Variants in KIAA1549 observed in about 807,000 individuals in gnomAD.
KIAA1549 encodes UPF0606 protein KIAA1549.
Under a neutral mutation model 156.4 loss-of-function variants are expected in KIAA1549, and 70 were observed. The observed-to-expected ratio is 0.45, with a 90% CI of 0.37 to 0.55. KIAA1549 has a LOEUF of 0.55. Ranked by LOEUF, KIAA1549 falls within the 20% of genes least tolerant of loss-of-function variation. The pLI is 0.00. For synonymous variants in KIAA1549, 1,103 were observed against 1,066.4 expected (o/e 1.03, Z -0.67); for missense variants, 2,428 against 2,540.9 (o/e 0.96, Z 0.96).
rs577418835 is a variant in KIAA1549, at chr7:138,918,769, C to A, written c.857G>T (p.Arg286Leu). The A allele has an allele frequency of 3.1e-6, 5 of 1,613,624 alleles. No individual in the cohort carries two copies. The highest frequency in any genetic ancestry group is 4.2e-6 in the Non-Finnish European group (5 of 1,179,836). The change falls in exon 2 of 20, where the codon CGG (arginine) becomes CTG (leucine). Residue 286 changes from arginine to leucine, a missense_variant. By Grantham distance (102) the Arg-to-Leu change is moderately radical. Coordinates refer to ENST00000422774, the MANE Select transcript of KIAA1549 (RefSeq NM_001164665.2). This position sits in a 1 kb window ranked among gnomAD's most constrained non-coding sequence, Gnocchi z 4.2. ...GVETTLFLSS[R>L]SLMPQPLGDG... ...GCCTAACGGCTGTGGCATTAAAGACCGGGAGCTTAAAAAAAGGGTGGTTTC... is the reference window on the plus strand; with the variant it reads ...GCCTAACGGCTGTGGCATTAAAGACAGGGAGCTTAAAAAAAGGGTGGTTTC...
intron 1 of KIAA1549, among the ~76,000 whole-genome samples, chr7:138,960,697 C>G (rs1813818544): frequency 6.6e-6 from 1 of 152,116 alleles, no homozygotes; most frequent in South Asian, 2.1e-4. Context: ...GGCTGGAGCC[C>G]AGGCTGCCAC....
At chr7:138,891,427 G>T (rs998665355) in intron 10 of KIAA1549, among the ~76,000 whole-genome samples, 1 of 152,208 alleles carries the variant, frequency 6.6e-6, no homozygotes, top group Admixed American at 6.5e-5. Flanking sequence ...ATCCGGGCTG[G>T]AGTTTTTTAG....
intron 16 of KIAA1549, among the ~76,000 whole-genome samples, chr7:138,856,663 G>A (rs930332113): frequency 6.6e-6 from 1 of 152,084 alleles, no homozygotes; most frequent in Non-Finnish European, 1.5e-5. Flanking sequence ...ATAACCATCG[G>A]CTTCTTGCTT....
intron 9 of KIAA1549, among the ~76,000 whole-genome samples, chr7:138,896,305 G>A (rs1390791055): frequency 6.6e-6 from 1 of 152,160 alleles, no homozygotes; most frequent in Non-Finnish European, 1.5e-5. Flanking sequence ...AGGGTTCTTG[G>A]TGCTGGTTTA....
At chr7:138,886,022 C>T (rs1417451406) in intron 10 of KIAA1549, among the ~76,000 whole-genome samples, 1 of 152,032 alleles carries the variant, frequency 6.6e-6, no homozygotes, top group Non-Finnish European at 1.5e-5. Context: ...GGAAAGCCCC[C>T]CCCCAAATTC....
chr7:138,838,307 GGTGA>G, intron 19 of KIAA1549, 147 bp from the exon 20 acceptor site: 2 of 818,332 alleles, frequency 2.4e-6, no homozygotes, highest in South Asian at 2.0e-5. Context: ...CTATGCTGCA[GGTGA>G]GGCGTGAAGA....
chr7:138,888,527 T>A (rs1811461831), intron 10 of KIAA1549, among the ~76,000 whole-genome samples: 1 of 152,252 alleles, frequency 6.6e-6, no homozygotes, highest in African/African-American at 2.4e-5. Context: ...ACGTTTGGAT[T>A]CTACCATAAT....
chr7:138,945,755 T>G (rs1584775967), intron 1 of KIAA1549, among the ~76,000 whole-genome samples: 1 of 152,190 alleles, frequency 6.6e-6, no homozygotes, highest in South Asian at 2.1e-4. Flanking sequence ...TAAAAGTAGA[T>G]TATAAAAGAT....
chr7:138,896,235 A>G (rs1811680971), intron 9 of KIAA1549, among the ~76,000 whole-genome samples: 1 of 152,198 alleles, frequency 6.6e-6, no homozygotes, highest in Non-Finnish European at 1.5e-5. Context: ...TTCATACCCT[A>G]TGATGGTTAA....
At chr7:138,944,299 T>C (rs1324369000) in intron 1 of KIAA1549, among the ~76,000 whole-genome samples, 1 of 152,016 alleles carries the variant, frequency 6.6e-6, no homozygotes, top group African/African-American at 2.4e-5. Flanking sequence ...AAGAAGTACA[T>C]CGAAGGATGC....
At chr7:138,904,730 C>T (rs1289098796) in intron 7 of KIAA1549, among the ~76,000 whole-genome samples, 1 of 151,316 alleles carries the variant, frequency 6.6e-6, no homozygotes, top group African/African-American at 2.4e-5. Context: ...AGAGAGAGAT[C>T]CTTGCTTCTA....
At position 138,899,010 on chromosome 7, in the gene KIAA1549, G is replaced by A. The variant is rs1563068427; in HGVS notation, c.3792C>T (p.Asp1264=). 1 of 1,613,828 alleles carries A rather than the reference G, an allele frequency of 6.2e-7. No homozygotes were observed. The highest frequency in any genetic ancestry group is 8.5e-7 in the Non-Finnish European group (1 of 1,179,774). Residue 1264 remains aspartate, a synonymous_variant, in exon 9 of 20, where the codon GAC becomes GAT. Coordinates refer to ENST00000422774, the MANE Select transcript of KIAA1549 (RefSeq NM_001164665.2). The stretch of plus-strand genomic sequence containing the variant: ...CCAAGATGATGGCTGCTCTCTGGAG[G>A]TCCATTTTGTTAATCAGGTCCGAAG... ...VKSSDLINKM[D]LQRAAIILGY...
intron 1 of KIAA1549, among the ~76,000 whole-genome samples, chr7:138,937,343 A>G (rs1023209759): frequency 6.6e-6 from 1 of 152,186 alleles, no homozygotes; most frequent in African/African-American, 2.4e-5. Context: ...TACTTGAAGG[A>G]AGAGGCTGTG....
intron 1 of KIAA1549, among the ~76,000 whole-genome samples, chr7:138,920,566 T>C (rs1812539073): frequency 6.6e-6 from 1 of 152,246 alleles, no homozygotes; most frequent in African/African-American, 2.4e-5. Flanking sequence ...TTTGTATTCC[T>C]TAACTTGTGA....
intron 1 of KIAA1549, among the ~76,000 whole-genome samples, chr7:138,966,051 A>G (rs544287699): frequency 6.6e-6 from 1 of 152,176 alleles, no homozygotes; most frequent in South Asian, 2.1e-4. Flanking sequence ...GTTCCCCCCA[A>G]TACCTGCTTG....
In KIAA1549 at chr7:138,840,227, G is replaced by A. The variant is rs1370059268; in HGVS notation, c.5504C>T (p.Ala1835Val). ...TQVGIASRIG[A>V]QPVEIPPSRG... ...GCTTGGCGGGATTTCCACTGGCTGAGCTCCAATTCTGCTGGCAATCCCCAC... is the reference window on the plus strand; with the variant it reads ...GCTTGGCGGGATTTCCACTGGCTGAACTCCAATTCTGCTGGCAATCCCCAC... The change falls in exon 19 of 20, where the codon GCT becomes GTT. Residue 1835 changes from alanine to valine, a missense_variant. By Grantham distance (64) the Ala-to-Val change is moderately conservative. Around this residue, in one of 5 missense-constraint regions of KIAA1549, gnomAD observed 363 missense variants for 354.0 expected, o/e 1.03. Coordinates refer to ENST00000422774, the MANE Select transcript of KIAA1549 (RefSeq NM_001164665.2). 1.3e-6 allele frequency: 2 copies of A among 1,586,544 alleles called. No homozygotes were observed. Among genetic ancestry groups the A allele is most frequent in the Admixed American group, 1.8e-5 (1 of 55,494 alleles).
intron 1 of KIAA1549, among the ~76,000 whole-genome samples, chr7:138,961,955 T>G (rs936167508): frequency 1.3e-5 from 2 of 151,986 alleles, no homozygotes; most frequent in Admixed American, 1.3e-4. Flanking sequence ...TCCCGCCCCT[T>G]TACCTGCATG....
intron 8 of KIAA1549, among the ~76,000 whole-genome samples, chr7:138,901,057 G>A (rs10266249): frequency 0.054 from 8,201 of 152,044 alleles, 738 homozygotes; most frequent in African/African-American, 0.19. Context: ...TATAACCATG[G>A]GAGTCATCAT....
chr7:138,919,601 G>A (rs1354151202), intron 1 of KIAA1549, 163 bp from the exon 2 acceptor site: 1 of 1,204,674 alleles, frequency 8.3e-7, no homozygotes, highest in East Asian at 2.5e-5. Context: ...ACGAGAAATT[G>A]ACAGAATTAC....
Sources: gnomAD v4.1 joint callset for allele counts (sites outside exome capture counted in the v4.1 genomes callset) on GRCh38, gnomAD v4.1.1 for gene constraint, gnomAD v4.1.1 regional missense constraint, Gnocchi (gnomAD v3.1) non-coding constraint, MANE v1.5 for transcripts, NCBI Gene and HGNC (gene_info 2026-07-23, HGNC 2026-07-21) for gene names.